The following HEATR9 variants were observed in gnomAD, a reference collection of about 807,000 sequenced individuals.
HEATR9 encodes the protein HEAT repeat containing 9, also known as protein HEATR9.
Under a neutral mutation model 68.2 loss-of-function variants are expected in HEATR9, and 54 were observed. The observed-to-expected ratio is 0.79, with a 90% confidence interval of 0.64 to 0.99. The LOEUF is 0.99. HEATR9 is among the 50% of genes least tolerant of loss of function. HEATR9 has a pLI of 0.00. For synonymous variants in HEATR9, 241 were observed against 253.5 expected (o/e 0.95, Z 0.47); for missense variants, 662 against 679.7 (o/e 0.97, Z 0.29).
At chr17:35,864,173 G>A (rs761258270) in intron 6 of HEATR9, 73 bp downstream of exon 6, 163 of 1,320,756 alleles carry the variant, frequency 1.2e-4, no homozygotes, top group Non-Finnish European at 1.7e-4. Context: ...GGGGAGCCTC[G>A]TCTGTGCCCA....
chr17:35,862,018 G>A (rs2088013404), intron 8 of HEATR9, among the ~76,000 whole-genome samples: 2 of 151,746 alleles, frequency 1.3e-5, no homozygotes. Context: ...ACCACACCTG[G>A]CTAAGTTTTT....
chr17:35,861,291 T>C, intron 8 of HEATR9: 2 of 1,382,596 alleles, frequency 1.4e-6, no homozygotes, highest in South Asian at 1.2e-5. Flanking sequence ...CTCTCTTCAT[T>C]GCGTCAATAG....
In HEATR9 at chr17:35,858,874, C is replaced by G. The variant is rs1598581806; in HGVS notation, c.939+14G>C. 1 of 1,611,524 alleles carries G rather than the reference C, an allele frequency of 6.2e-7. No homozygotes were observed. Among genetic ancestry groups the G allele is most frequent in the East Asian group, 2.2e-5 (1 of 44,846 alleles). On this transcript the variant is annotated intron_variant, in intron 9 of 14. Transcript: ENST00000604834. ...TCTGTTTCCCCAGGGATCCCAGCCT[C>G]CTGCCCCTCACACCTTCATCCGCTG...
At chr17:35,860,357 A>C (rs1598587437) in intron 8 of HEATR9, among the ~76,000 whole-genome samples, 1 of 139,006 alleles carries the variant, frequency 7.2e-6, no homozygotes, top group Non-Finnish European at 1.5e-5. Flanking sequence ...GCACCACTGC[A>C]CTCCAGCCTG....
At chr17:35,856,322 A>T in intron 12 of HEATR9, 98 bp from the exon 13 acceptor site, 1 of 1,613,526 alleles carries the variant, frequency 6.2e-7, no homozygotes, top group Non-Finnish European at 8.5e-7. Context: ...AATTAGGCAA[A>T]GTGATGCTAA....
chr17:35,864,012 C>A (rs2088100828), intron 6 of HEATR9: 3 of 572,982 alleles, frequency 5.2e-6, no homozygotes, highest in African/African-American at 3.7e-5. Context: ...AGTCCAATGT[C>A]TTTTCGGTTA....
intron 1 of HEATR9, 43 bp from the exon 2 acceptor site, chr17:35,866,816 A>G (rs979179832): frequency 6.9e-6 from 11 of 1,592,478 alleles, no homozygotes; most frequent in Non-Finnish European, 8.6e-6. Flanking sequence ...CAAATGAGAT[A>G]GCAGTTGCAG....
At chr17:35,856,070 C>G in intron 13 of HEATR9, 103 bp downstream of exon 13, 1 of 1,290,252 alleles carries the variant, frequency 7.8e-7, no homozygotes. Flanking sequence ...AACAACTTCC[C>G]CGAAGTTTAC....
chr17:35,866,961 AC>A (rs879645299), intron 1 of HEATR9, among the ~76,000 whole-genome samples, 188 bp from the exon 2 acceptor site: 73 of 151,896 alleles, frequency 4.8e-4, no homozygotes, highest in African/African-American at 1.4e-3. Flanking sequence ...TACAAAAAAA[AC>A]ATTAGCCAGC....
chr17:35,866,890 C>T, intron 1 of HEATR9, 117 bp from the exon 2 acceptor site: 2 of 957,452 alleles, frequency 2.1e-6, no homozygotes, highest in South Asian at 2.6e-5. Context: ...GGCAGATCAC[C>T]TGAGGTCAGG....
At chr17:35,855,536 CAAGGGACAGTGTCT>C (rs2087740342) in intron 14 of HEATR9, 114 bp downstream of exon 14, 2 of 1,300,044 alleles carry the variant, frequency 1.5e-6, no homozygotes, top group Non-Finnish European at 1.1e-6. Context: ...GGAACAAGGT[CAAGGGACAGTGTCT>C]AAGGGCTCAT....
At chr17:35,868,547 C>A in intron 1 of HEATR9, 108 bp downstream of exon 1, 1 of 1,535,332 alleles carries the variant, frequency 6.5e-7, no homozygotes, top group South Asian at 1.2e-5. Flanking sequence ...TGATGTTTCC[C>A]AAGGGTTTGC....
intron 8 of HEATR9, 55 bp from the exon 9 acceptor site, chr17:35,859,125 T>G: frequency 6.7e-7 from 1 of 1,484,264 alleles, no homozygotes; most frequent in Non-Finnish European, 9.3e-7. Context: ...ATGCCAGGCT[T>G]TGTGCTTCCA....
In HEATR9 at chr17:35,855,149, G is replaced by A. The variant is rs371996372; in HGVS notation, c.1627C>T (p.Pro543Ser). The A allele has an allele frequency of 7.4e-6, 12 of 1,614,146 alleles. No homozygotes were observed. The highest frequency in any genetic ancestry group is 1.0e-5 in the Non-Finnish European group (12 of 1,180,034). ...TPAFPPCCSKPRKHRPQVIGP... is the reference protein window; with the variant it reads ...TPAFPPCCSKSRKHRPQVIGP... ...ATGACCTGTGGCCTATGTTTTCGTG[G>A]TTTCGAGCAGCACGGTGGGAAAGCA... Residue 543 changes from proline to serine, a missense_variant, in exon 15 of 15, where the codon CCA becomes TCA. Physicochemically the swap from Pro to Ser is moderately conservative, Grantham distance 74. Transcript: ENST00000604834.
At chr17:35,856,355 T>C (rs746404250) in intron 12 of HEATR9, 131 bp from the exon 13 acceptor site, 35 of 1,598,094 alleles carry the variant, frequency 2.2e-5, no homozygotes, top group Non-Finnish European at 2.9e-5. Flanking sequence ...CCTTCTCTTG[T>C]TTCTTGGATC....
rs757091627 is a variant in HEATR9 at position 35,864,112 on chromosome 17, C to T, written c.567+134G>A. The T allele has an allele frequency of 1.6e-5, 11 of 694,340 alleles. No individual in the cohort carries two copies. The Admixed American group carries it at 2.5e-4, about 16-fold the overall frequency. The allele number at this position is 694,340 out of a possible 1,614,324, so 43.0% of individuals were successfully genotyped here. On this transcript the variant is annotated intron_variant, in intron 6 of 14. Coordinates refer to ENST00000604834, the MANE Select transcript of HEATR9 (RefSeq NM_152781.4). ...CAAGGACATGGGATGGGTCATGCTG[C>T]ACAGTGGTGGCTGTGTCCTTACTGG...
intron 1 of HEATR9, among the ~76,000 whole-genome samples, chr17:35,868,377 G>A (rs753849330): frequency 1.4e-4 from 22 of 152,200 alleles, no homozygotes; most frequent in Admixed American, 9.8e-4. Context: ...GCAAAGATTT[G>A]GAGGTGCAAG....
At chr17:35,868,530 C>A in intron 1 of HEATR9, 125 bp downstream of exon 1, 1 of 1,497,502 alleles carries the variant, frequency 6.7e-7, no homozygotes, top group Non-Finnish European at 8.9e-7. Flanking sequence ...TGTCCAAGGG[C>A]CTGCCCTGAT....
At chr17:35,861,273 C>T in intron 8 of HEATR9, 2 of 1,392,718 alleles carry the variant, frequency 1.4e-6, no homozygotes, top group South Asian at 1.2e-5. Context: ...TCTGTTTGAT[C>T]TCTTCAACTC....
Sources: allele counts gnomAD v4.1 joint callset (sites outside exome capture counted in the v4.1 genomes callset), GRCh38; gene constraint gnomAD v4.1.1; transcripts MANE v1.5; gene names NCBI Gene and HGNC (gene_info 2026-07-23, HGNC 2026-07-21).